Variants in LARGE1 observed in about 807,000 individuals in gnomAD.
LARGE1 encodes the protein LARGE xylosyl- and glucuronyltransferase 1, also known as xylosyl- and glucuronyltransferase LARGE1.
A neutral mutation model predicts 87.6 loss-of-function variants in LARGE1; 43 were observed. That is an observed-to-expected ratio of 0.49 (90% CI 0.38 to 0.63). LARGE1 has a LOEUF of 0.63. LARGE1 is among the 30% of genes least tolerant of loss of function. LARGE1 has a pLI of 0.00. For missense variants in LARGE1, 802 were observed against 1,000.2 expected (o/e 0.80, Z 2.67); for synonymous variants, 434 against 394.6 (o/e 1.10, Z -1.18).
chr22:33,350,377 A>T (rs1375447154), intron 9 of LARGE1, among the ~76,000 whole-genome samples: 1 of 152,232 alleles, frequency 6.6e-6, no homozygotes, highest in Non-Finnish European at 1.5e-5. Context: ...ACCAGGAGTG[A>T]TAACCAGCCC....
At chr22:33,317,962 C>T (rs1936337230) in intron 10 of LARGE1, among the ~76,000 whole-genome samples, 1 of 151,378 alleles carries the variant, frequency 6.6e-6, no homozygotes. Context: ...CTTGGCCAGG[C>T]ACGGTGGCTC....
intron 2 of LARGE1, among the ~76,000 whole-genome samples, chr22:33,741,178 G>A (rs755518628): frequency 7.9e-5 from 12 of 152,230 alleles, no homozygotes; most frequent in Non-Finnish European, 1.3e-4. Context: ...TGGAATAAAC[G>A]CTGCAACATT....
In LARGE1 at chr22:33,556,430, AG is replaced by A. The variant is rs566703494; in HGVS notation, c.787+8417del. Among the ~76,000 whole-genome samples the A allele has an allele frequency of 1.8e-4, 27 of 151,662 alleles. No homozygotes were observed. In the East Asian group the frequency reaches 5.1e-3, roughly 28 times the overall value. The stretch of plus-strand genomic sequence containing the variant: ...AGTTAATATTTTACCCCCAGGGCCT[AG>A]GGCAGGCCAAGAGCCTCAGAAGGTA... On this transcript the variant is annotated intron_variant, in intron 6 of 14. Transcript: ENST00000397394.
chr22:33,560,940 G>A (rs1301914767), intron 6 of LARGE1, among the ~76,000 whole-genome samples: 5 of 151,834 alleles, frequency 3.3e-5, no homozygotes, highest in African/African-American at 9.7e-5. Flanking sequence ...TCAGCCTCCC[G>A]AGTAGCTGGG....
intron 12 of LARGE1, among the ~76,000 whole-genome samples, chr22:33,284,043 G>A (rs1931038525): frequency 6.6e-6 from 1 of 152,188 alleles, no homozygotes; most frequent in Non-Finnish European, 1.5e-5. Flanking sequence ...CCCCGAGACA[G>A]AGAACTTGGT....
chr22:33,117,098 C>T, the LARGE1 span, among the ~76,000 whole-genome samples: 1 of 152,172 alleles, frequency 6.6e-6, no homozygotes, highest in South Asian at 2.1e-4. Context: ...TACTGAAGTT[C>T]GCATATCTTC....
chr22:33,651,108 C>T (rs240335), intron 2 of LARGE1, among the ~76,000 whole-genome samples: 2 of 150,870 alleles, frequency 1.3e-5, no homozygotes, highest in African/African-American at 4.9e-5. Context: ...ATAGGCCAGG[C>T]GCAGTGGCTC....
At chr22:33,654,394 G>C (rs1006663760) in intron 2 of LARGE1, among the ~76,000 whole-genome samples, 6 of 152,174 alleles carry the variant, frequency 3.9e-5, no homozygotes, top group African/African-American at 4.8e-5. Flanking sequence ...GATGTGCTCC[G>C]AGTCCCCTCT....
chr22:33,525,497 AAAAC>A (rs1022437405), intron 6 of LARGE1, among the ~76,000 whole-genome samples: 35 of 152,362 alleles, frequency 2.3e-4, no homozygotes, highest in African/African-American at 8.4e-4. Flanking sequence ...AGAGTAAAGA[AAAAC>A]AAATGCAAGT....
chr22:33,211,633 C>T (rs989353016), intron 11 of LARGE1, among the ~76,000 whole-genome samples: 10 of 152,042 alleles, frequency 6.6e-5, no homozygotes, highest in African/African-American at 2.4e-4. Flanking sequence ...ATTAGCCGGG[C>T]GTGGTGGCAC....
Position 33,316,172 on chromosome 22 carries a change from C to G in LARGE1, c.1364G>C (p.Arg455Pro), listed in dbSNP as rs767477591. ...EFRRERFTVH[R>P]THLYFLHYEY... ...GTAGTGCAGGAAGTACAGGTGGGTG[C>G]GGTGGACAGTGAAGCGCTCTCGCCG... The change falls in exon 11 of 15, where the codon CGC (arginine) becomes CCC (proline). Residue 455 changes from arginine (R) to proline (P), a missense_variant. Physicochemically the swap from Arg to Pro is moderately radical, Grantham distance 103. Transcript: ENST00000397394. 6.2e-7 allele frequency: 1 copy of G among 1,614,018 alleles called. No individual in the cohort carries two copies. Among genetic ancestry groups the G allele is most frequent in the Non-Finnish European group, 8.5e-7 (1 of 1,179,972 alleles).
intron 6 of LARGE1, among the ~76,000 whole-genome samples, chr22:33,531,491 A>C (rs568406259): frequency 1.2e-3 from 180 of 152,234 alleles, no homozygotes; most frequent in Admixed American, 1.9e-3. Flanking sequence ...TTATCTCTCC[A>C]ACTACCTGGA....
rs549609551 is a variant in LARGE1 at position 33,686,110 on chromosome 22, G to A, written c.107-35442C>T. Among the ~76,000 whole-genome samples the A allele has an allele frequency of 1.8e-4, 27 of 152,238 alleles. 3 individuals carry two copies. The South Asian group carries it at 3.3e-3, about 19-fold the overall frequency. On this transcript the variant is annotated intron_variant, in intron 2 of 14. Coordinates refer to ENST00000397394, the MANE Select transcript of LARGE1 (RefSeq NM_133642.5). The stretch of plus-strand genomic sequence containing the variant: ...CAAGCCATGGCAAATTAAATCAGCC[G>A]ACTCTCTTTCCTTGTGGGCACCTAA...
At chr22:33,153,876 C>T in the LARGE1 span, among the ~76,000 whole-genome samples, 1 of 152,256 alleles carries the variant, frequency 6.6e-6, no homozygotes, top group East Asian at 1.9e-4. Context: ...GACTGGCGGT[C>T]CCAAATTTTA....
At chr22:33,434,209 T>C (rs1199238981) in intron 6 of LARGE1, among the ~76,000 whole-genome samples, 1 of 152,158 alleles carries the variant, frequency 6.6e-6, no homozygotes, top group East Asian at 1.9e-4. Context: ...TTTAATAACC[T>C]CACAATGAGG....
At chr22:33,619,815 A>G (rs2079691368) in intron 4 of LARGE1, among the ~76,000 whole-genome samples, 1 of 152,194 alleles carries the variant, frequency 6.6e-6, no homozygotes, top group Non-Finnish European at 1.5e-5. Context: ...AACACTTGGA[A>G]CAGACCCTGA....
intron 6 of LARGE1, among the ~76,000 whole-genome samples, chr22:33,553,515 C>T (rs903465969): frequency 2.0e-5 from 3 of 151,984 alleles, no homozygotes; most frequent in African/African-American, 7.3e-5. Flanking sequence ...GACCCTGTCA[C>T]AAAAACAAAA....
intron 9 of LARGE1, among the ~76,000 whole-genome samples, chr22:33,356,013 T>C (rs1026988537): frequency 4.1e-5 from 6 of 146,706 alleles, no homozygotes; most frequent in Admixed American, 2.1e-4. Context: ...ATGTAGTACA[T>C]AGAACTCCGC....
At chr22:33,818,792 C>T (rs2086732990) in intron 1 of LARGE1, among the ~76,000 whole-genome samples, 1 of 152,118 alleles carries the variant, frequency 6.6e-6, no homozygotes, top group Non-Finnish European at 1.5e-5. Context: ...GACCAGGGAG[C>T]CCAGTGGCTT....
Sources: allele counts gnomAD v4.1 joint callset (sites outside exome capture counted in the v4.1 genomes callset), GRCh38; gene constraint gnomAD v4.1.1; transcripts MANE v1.5; gene names NCBI Gene and HGNC (gene_info 2026-07-23, HGNC 2026-07-21).